Variants in MYLIP observed in about 807,000 individuals in gnomAD.
The protein encoded by MYLIP is myosin regulatory light chain interacting protein, also known as E3 ubiquitin-protein ligase MYLIP.
MYLIP carries 26 observed loss-of-function variants against 45.8 expected under a neutral mutation model. That is an observed-to-expected ratio of 0.57 (90% confidence interval 0.42 to 0.79). The LOEUF is 0.79. Ranked by LOEUF, MYLIP falls within the 30% of genes least tolerant of loss-of-function variation. The pLI is 0.00. For synonymous variants in MYLIP, 213 were observed against 218.1 expected (o/e 0.98, Z 0.21); for missense variants, 494 against 555.6 (o/e 0.89, Z 1.11).
Position 16,141,062 on chromosome 6 carries a change from G to C in MYLIP, c.279-563G>C, listed in dbSNP as rs559133571. 1.6e-4 allele frequency among the ~76,000 whole-genome samples: 25 copies of C among 152,284 alleles called. 1 individual carries two copies. The highest frequency in any genetic ancestry group is 3.1e-4 in the Non-Finnish European group (21 of 68,008). On this transcript the variant is annotated intron_variant, in intron 2 of 6. Coordinates refer to ENST00000356840, the MANE Select transcript of MYLIP (RefSeq NM_013262.4). The stretch of plus-strand genomic sequence containing the variant: ...AGTCAGTCCGTGGTCTCCATTCGGA[G>C]AAAAAGGGCTTGGGAAAGAATATAT...
rs993659242 is a variant in MYLIP, at chr6:16,146,862, G to C, written c.*111G>C. ...TTATTCCAACACCCATCTGCCATGC[G>C]ATGTTAAAAAAAAAAAAAAGGAAGA... On this transcript the variant is annotated 3_prime_UTR_variant, in exon 7 of 7. Coordinates refer to ENST00000356840, the MANE Select transcript of MYLIP (RefSeq NM_013262.4). 30 of 815,668 alleles carry C rather than the reference G, an allele frequency of 3.7e-5. No homozygotes were observed. Among genetic ancestry groups the C allele is most frequent in the Admixed American group, 2.7e-4 (9 of 33,308 alleles). The allele number at this position is 815,668 out of a possible 1,614,324, so 50.5% of individuals were successfully genotyped here.
intron 2 of MYLIP, among the ~76,000 whole-genome samples, chr6:16,137,985 T>C (rs560579860): frequency 6.6e-6 from 1 of 152,178 alleles, no homozygotes; most frequent in East Asian, 1.9e-4. Context: ...GGCCCCAAAA[T>C]GTGATCCATA....
At chr6:16,155,769 G>A in the MYLIP span, among the ~76,000 whole-genome samples, 4 of 152,212 alleles carry the variant, frequency 2.6e-5, no homozygotes, top group Middle Eastern at 3.2e-3. Flanking sequence ...TGTGGGCCCC[G>A]TGGCAGCATC....
chr6:16,131,131 T>C (rs768473838), intron 2 of MYLIP, among the ~76,000 whole-genome samples: 19 of 151,878 alleles, frequency 1.3e-4, no homozygotes, highest in Admixed American at 5.2e-4. Flanking sequence ...AGTGTTACTA[T>C]AGGTCATTGC....
intron 2 of MYLIP, among the ~76,000 whole-genome samples, chr6:16,138,333 G>A (rs564184524): frequency 6.6e-6 from 1 of 151,942 alleles, no homozygotes; most frequent in African/African-American, 2.4e-5. Context: ...AAAAAAAAAG[G>A]AGGGGGCAAA....
intron 4 of MYLIP, 109 bp from the exon 5 acceptor site, chr6:16,143,590 G>T: frequency 2.7e-6 from 3 of 1,129,094 alleles, no homozygotes; most frequent in Non-Finnish European, 3.8e-6. Context: ...CAGAGGAAGC[G>T]TCTGATTTTT....
rs1759710620 is a variant in MYLIP, at chr6:16,143,177, G to A, written c.622G>A (p.Gly208Arg). The part of the protein sequence containing the change: ...QKLLIGVGPE[G>R]ISICKDDFSP... ...ACTGCTCATTGGGGTTGGACCTGAA[G>A]GAATCTCAATTTGTAAAGATGACTT... The change falls in exon 4 of 7, where the codon GGA (glycine) becomes AGA (arginine). Residue 208 changes from glycine to arginine, a missense_variant. Gly to Arg is a moderately radical substitution (Grantham distance 125). Coordinates refer to ENST00000356840, the MANE Select transcript of MYLIP (RefSeq NM_013262.4). The A allele has an allele frequency of 1.2e-6, 2 of 1,614,104 alleles. No individual in the cohort carries two copies. The highest frequency in any genetic ancestry group is 2.7e-5 in the African/African-American group (2 of 75,004).
In MYLIP at chr6:16,143,210, A is replaced by G; in HGVS notation, c.655A>G (p.Ile219Val). ...AATTTGTAAAGATGACTTTAGCCCAATTAATAGGTAAGCCAAGACTTAACT... is the reference window on the plus strand; with the variant it reads ...AATTTGTAAAGATGACTTTAGCCCAGTTAATAGGTAAGCCAAGACTTAACT... Reference protein sequence around the residue: ...ISICKDDFSPINRIAYPVVQM... With the variant: ...ISICKDDFSPVNRIAYPVVQM... The change falls in exon 4 of 7, where the codon ATT becomes GTT. Residue 219 changes from isoleucine to valine, a missense_variant. Transcript: ENST00000356840. 3 of 1,614,212 alleles carry G rather than the reference A, an allele frequency of 1.9e-6. No homozygotes were observed. The highest frequency in any genetic ancestry group is 1.7e-6 in the Non-Finnish European group (2 of 1,180,026).
intron 3 of MYLIP, among the ~76,000 whole-genome samples, chr6:16,142,600 C>A (rs1011315875): frequency 6.6e-6 from 1 of 152,238 alleles, no homozygotes; most frequent in African/African-American, 2.4e-5. Flanking sequence ...GAAGGCTCGA[C>A]TGAGGGTGGC....
Position 16,143,732 on chromosome 6 carries a change from G to A in MYLIP, c.696G>A (p.Gln232=). ...IAYPVVQMAT[Q]SGKNVYLTVT... The stretch of plus-strand genomic sequence containing the variant: ...ATCCTGTGGTGCAGATGGCCACCCA[G>A]TCAGGAAAGAATGTATATTTGACGG... Residue 232 remains glutamine, a synonymous_variant, in exon 5 of 7, where the codon CAG becomes CAA. Coordinates refer to ENST00000356840, the MANE Select transcript of MYLIP (RefSeq NM_013262.4). 6.2e-7 allele frequency: 1 copy of A among 1,614,136 alleles called. No individual in the cohort carries two copies. The highest frequency in any genetic ancestry group is 1.3e-5 in the African/African-American group (1 of 75,016).
Position 16,143,155 on chromosome 6 carries a change from G to A in MYLIP, c.600G>A (p.Leu200=), listed in dbSNP as rs757758904. The A allele has an allele frequency of 1.9e-5, 31 of 1,614,052 alleles. No homozygotes were observed. Among genetic ancestry groups the A allele is most frequent in the South Asian group, 1.9e-4 (17 of 91,082 alleles). The change falls in exon 4 of 7, where the codon CTG becomes CTA. Residue 200 remains leucine (L), a synonymous_variant. Coordinates refer to ENST00000356840, the MANE Select transcript of MYLIP (RefSeq NM_013262.4). ...HSVRDSEGQK[L]LIGVGPEGIS... ...TGCGGGATAGCGAAGGGCAGAAACT[G>A]CTCATTGGGGTTGGACCTGAAGGAA... is the stretch of plus-strand genomic sequence containing the variant.
intron 2 of MYLIP, among the ~76,000 whole-genome samples, chr6:16,137,820 A>T (rs1487992117): frequency 6.6e-6 from 1 of 152,216 alleles, no homozygotes; most frequent in Non-Finnish European, 1.5e-5. Context: ...TTGAAAGAAA[A>T]ATATAGTAAG....
rs1318165375 is a variant in MYLIP at position 16,129,185 on chromosome 6, C to G, written c.-138C>G. 3 of 876,810 alleles carry G rather than the reference C, an allele frequency of 3.4e-6. No homozygotes were observed. The East Asian group carries it at 8.6e-5, about 25-fold the overall frequency. 54.3% of individuals were successfully genotyped at this position (876,810 alleles called of 1,614,324 possible). Reference sequence around the variant, plus strand: ...GGACGCGAGTGGCGGCCGCGGGGCCCCGGACAAGGGTCCGCAGAGCTGCAG... The same window carrying G: ...GGACGCGAGTGGCGGCCGCGGGGCCGCGGACAAGGGTCCGCAGAGCTGCAG... On this transcript the variant is annotated 5_prime_UTR_variant, in exon 1 of 7. Coordinates refer to ENST00000356840, the MANE Select transcript of MYLIP (RefSeq NM_013262.4). The surrounding 1 kb of genome is among the most constrained non-coding windows in gnomAD (Gnocchi z 5.1).
intron 6 of MYLIP, among the ~76,000 whole-genome samples, chr6:16,146,234 A>C (rs923258818): frequency 1.3e-5 from 2 of 152,254 alleles, no homozygotes; most frequent in African/African-American, 4.8e-5. Context: ...CTCCCTGGCC[A>C]TGTGGGCATC....
downstream of MYLIP, among the ~76,000 whole-genome samples, chr6:16,150,690 G>C (rs1759867469): frequency 6.6e-6 from 1 of 152,158 alleles, no homozygotes; most frequent in African/African-American, 2.4e-5. Context: ...GGAGAGCCTG[G>C]ATCTTTGGAA....
chr6:16,129,556 C>T lies in MYLIP; in HGVS notation c.87+147C>T. Reference sequence around the variant, plus strand: ...GGGGGAGCGCGTCCCCTCCTCTCCACGGGCGTGGGGCGCGCGGTCTCCTCC... The same window carrying T: ...GGGGGAGCGCGTCCCCTCCTCTCCATGGGCGTGGGGCGCGCGGTCTCCTCC... On this transcript the variant is annotated intron_variant, in intron 1 of 6. Transcript: ENST00000356840. This position sits in a 1 kb window ranked among gnomAD's most constrained non-coding sequence, Gnocchi z 5.1. 1 of 751,314 alleles carries T rather than the reference C, an allele frequency of 1.3e-6. No individual in the cohort carries two copies. The highest frequency in any genetic ancestry group is 2.1e-6 in the Non-Finnish European group (1 of 486,512). The allele number at this position is 751,314 out of a possible 1,614,324, so 46.5% of individuals were successfully genotyped here. A position where few individuals can be genotyped will look rare whatever the true frequency, so the allele number is the denominator to read the frequency against.
At chr6:16,156,368 G>A in the MYLIP span, among the ~76,000 whole-genome samples, 3 of 152,174 alleles carry the variant, frequency 2.0e-5, no homozygotes, top group East Asian at 3.9e-4. Flanking sequence ...AAATAAACAT[G>A]TGAACATATT....
chr6:16,151,759 C>T (rs1229329177), downstream of MYLIP, among the ~76,000 whole-genome samples: 1 of 152,172 alleles, frequency 6.6e-6, no homozygotes, highest in African/African-American at 2.4e-5. Flanking sequence ...ACAAATGATA[C>T]AGATTGAACA....
At chr6:16,143,306 ACAGT>A (rs1759715133) in intron 4 of MYLIP, 89 bp downstream of exon 4, 2 of 1,283,836 alleles carry the variant, frequency 1.6e-6, no homozygotes, top group Middle Eastern at 2.1e-4. Context: ...GATTTACTCG[ACAGT>A]CAGCTCTTAG....
Sources: allele counts gnomAD v4.1 joint callset (sites outside exome capture counted in the v4.1 genomes callset), GRCh38; gene constraint gnomAD v4.1.1; non-coding constraint Gnocchi (gnomAD v3.1); transcripts MANE v1.5; gene names NCBI Gene and HGNC (gene_info 2026-07-23, HGNC 2026-07-21).